Variants in PDF observed in about 807,000 individuals in gnomAD.
The protein encoded by PDF is peptide deformylase, mitochondrial.
In PDF, 31 loss-of-function variants were observed where a neutral mutation model predicts 20.3. The observed-to-expected ratio is 1.52, with a 90% confidence interval of 1.15 to 2.06. The LOEUF (loss-of-function observed/expected upper bound fraction) is 2.06, where lower values mean the gene tolerates loss of function less well. Ranked by LOEUF, PDF falls within the 30% of genes most tolerant of loss-of-function variation. The pLI is 0.00. For missense variants in PDF, 447 were observed against 362.5 expected, an observed-to-expected ratio of 1.23 and a Z score of -1.89; for synonymous variants, 254 against 172.0, an observed-to-expected ratio of 1.48 and a Z score of -3.73.
Position 69,330,173 on chromosome 16 carries a change from C to CG in PDF, c.397dup (p.Arg133ProfsTer30), listed in dbSNP as rs1355251857. ...CGCGCGCTGGCGGGGCGGGCACTCC[C>CG]GACACAGCGCCTCGGGGAGCTCCAG... is the stretch of plus-strand genomic sequence containing the variant. On this transcript the variant is annotated frameshift_variant, in exon 1 of 2. Transcript: ENST00000288022. LOFTEE classifies it high-confidence loss of function. 6.6e-7 allele frequency: 1 copy of CG among 1,515,570 alleles called. No individual in the cohort carries two copies. Among genetic ancestry groups the CG allele is most frequent in the Non-Finnish European group, 8.8e-7 (1 of 1,137,144 alleles). 93.9% of individuals were successfully genotyped at this position (1,515,570 alleles called of 1,614,324 possible). A position where few individuals can be genotyped will look rare whatever the true frequency, so the allele number is the denominator to read the frequency against.
chr16:69,329,201 T>C, intron 1 of PDF, 22 bp from the exon 2 acceptor site: 3 of 1,566,768 alleles, frequency 1.9e-6, no homozygotes, highest in African/African-American at 2.7e-5. Flanking sequence ...GTTACAGCCC[T>C]GGTGAGTGGG....
Position 69,330,107 on chromosome 16 carries a change from T to C in PDF, c.464A>G (p.Asn155Ser). 6.3e-7 allele frequency: 1 copy of C among 1,583,242 alleles called. No homozygotes were observed. Among genetic ancestry groups the C allele is most frequent in the Non-Finnish European group, 8.6e-7 (1 of 1,167,442 alleles). ...MEPFPLRVFV[N>S]PSLRVLDSRL... ...GCTGTCAAGCACTCGCAGGCTGGGG[T>C]TCACGAACACGCGCAGGGGGAAGGG... The change falls in exon 1 of 2, where the codon AAC (asparagine) becomes AGC (serine). Residue 155 changes from asparagine to serine, a missense_variant. Coordinates refer to ENST00000288022, the MANE Select transcript of PDF (RefSeq NM_022341.2).
chr16:69,330,166 G>A lies in PDF; in HGVS notation c.405C>T (p.Cys135=), dbSNP rs770194037. The A allele has an allele frequency of 2.9e-5, 44 of 1,530,518 alleles. No homozygotes were observed. The South Asian group carries it at 4.7e-4, about 16-fold the overall frequency. 94.8% of individuals were successfully genotyped at this position (1,530,518 alleles called of 1,614,324 possible). A position where few individuals can be genotyped will look rare whatever the true frequency, so the allele number is the denominator to read the frequency against. ...GGCGGAGCGCGCGCTGGCGGGGCGG[G>A]CACTCCCGACACAGCGCCTCGGGGA... ...LELPEALCRE[C]PPRQRALRQM... The change falls in exon 1 of 2, where the codon TGC becomes TGT. Residue 135 remains cysteine (C), a synonymous_variant. Coordinates refer to ENST00000288022, the MANE Select transcript of PDF (RefSeq NM_022341.2).
Position 69,327,048 on chromosome 16 carries a change from C to T in PDF, c.*1974G>A, listed in dbSNP as rs948256040. On this transcript the variant is annotated 3_prime_UTR_variant, in exon 2 of 2. Coordinates refer to ENST00000288022, the MANE Select transcript of PDF (RefSeq NM_022341.2). ...AACATTGTCCAAATGAAAGGAGGCT[C>T]AGCTGAATTCTAATTTTCCTAAAGA... is the stretch of plus-strand genomic sequence containing the variant. The T allele has an allele frequency of 1.3e-5, 2 of 151,900 alleles. No homozygotes were observed. The highest frequency in any genetic ancestry group is 1.3e-4 in the Admixed American group (2 of 15,236). 9.4% of individuals were successfully genotyped at this position (151,900 alleles called of 1,614,324 possible).
At position 69,330,016 on chromosome 16, in the gene PDF, G is replaced by C. The variant is rs1419657970; in HGVS notation, c.555C>G (p.Phe185Leu). The C allele has an allele frequency of 6.5e-7, 1 of 1,540,460 alleles. No individual in the cohort carries two copies. The highest frequency in any genetic ancestry group is 2.0e-5 in the Admixed American group (1 of 50,592). Reference sequence around the variant, plus strand: ...CCGCACCTGAGATCTGCACCGCCTGGAAGCGGGGCACGCAGGCCAGGAAGC... The same window carrying C: ...CCGCACCTGAGATCTGCACCGCCTGCAAGCGGGGCACGCAGGCCAGGAAGC... ...VAGFLACVPR[F>L]QAVQISGLDP... The change falls in exon 1 of 2, where the codon TTC becomes TTG. Residue 185 changes from phenylalanine to leucine, a missense_variant. Phe to Leu is a conservative substitution (Grantham distance 22, BLOSUM62 0). Transcript: ENST00000288022.
chr16:69,326,918 T>C lies in PDF; in HGVS notation c.*2104A>G, dbSNP rs539460151. 6.6e-6 allele frequency: 1 copy of C among 152,250 alleles called. No homozygotes were observed. Among genetic ancestry groups the C allele is most frequent in the South Asian group, 2.1e-4 (1 of 4,826 alleles). 9.4% of individuals were successfully genotyped at this position (152,250 alleles called of 1,614,324 possible). On this transcript the variant is annotated 3_prime_UTR_variant, in exon 2 of 2. Coordinates refer to ENST00000288022, the MANE Select transcript of PDF (RefSeq NM_022341.2). ...GGGAGAGATTTTACTGGAAATGCAATAAAGTTTGCATTTTATTGCTACCGA... is the reference window on the plus strand; with the variant it reads ...GGGAGAGATTTTACTGGAAATGCAACAAAGTTTGCATTTTATTGCTACCGA...
In PDF at chr16:69,329,203, G is replaced by T. The variant is rs141051526; in HGVS notation, c.575-24C>A. 80 of 1,564,676 alleles carry T rather than the reference G, an allele frequency of 5.1e-5. 1 individual carries two copies. The East Asian group carries it at 1.2e-3, about 23-fold the overall frequency. On this transcript the variant is annotated intron_variant, in intron 1 of 1. Coordinates refer to ENST00000288022, the MANE Select transcript of PDF (RefSeq NM_022341.2). ...CCCTGCAAAGGAAGTTACAGCCCTG[G>T]TGAGTGGGAACAGCTGAACTGCATC...
In PDF at chr16:69,330,209, T is replaced by C; in HGVS notation, c.362A>G (p.Gln121Arg). ...LSAPQLGVPR[Q>R]VLALELPEAL... is the part of the protein sequence containing the mutation. Reference sequence around the variant, plus strand: ...CTCGGGGAGCTCCAGCGCCAGCACCTGCCGCGGCACCCCCAGCTGCGGCGC... The same window carrying C: ...CTCGGGGAGCTCCAGCGCCAGCACCCGCCGCGGCACCCCCAGCTGCGGCGC... The change falls in exon 1 of 2, where the codon CAG becomes CGG. Residue 121 changes from glutamine to arginine, a missense_variant. Transcript: ENST00000288022. 1 of 1,454,236 alleles carries C rather than the reference T, an allele frequency of 6.9e-7. No homozygotes were observed. The highest frequency in any genetic ancestry group is 9.0e-7 in the Non-Finnish European group (1 of 1,111,180). The allele number at this position is 1,454,236 out of a possible 1,614,324, so 90.1% of individuals were successfully genotyped here.
At position 69,327,369 on chromosome 16, in the gene PDF, TGTTGGCCAGGCTG is replaced by T. The variant is rs1965630022; in HGVS notation, c.*1640_*1652del. The T allele has an allele frequency of 6.6e-6, 1 of 152,074 alleles. No individual in the cohort carries two copies. Among genetic ancestry groups the T allele is most frequent in the South Asian group, 2.1e-4 (1 of 4,824 alleles). The allele number at this position is 152,074 out of a possible 1,614,324, so 9.4% of individuals were successfully genotyped here. A position where few individuals can be genotyped will look rare whatever the true frequency, so the allele number is the denominator to read the frequency against. On this transcript the variant is annotated 3_prime_UTR_variant, in exon 2 of 2. Coordinates refer to ENST00000288022, the MANE Select transcript of PDF (RefSeq NM_022341.2). The stretch of plus-strand genomic sequence containing the variant: ...TTTTAGTAGAAACAGTGTTTCGCCA[TGTTGGCCAGGCTG>T]GTCTTGAACTCCTGACCTCAGGTGA...
In PDF at chr16:69,328,814, C is replaced by T. The variant is rs762166921; in HGVS notation, c.*208G>A. On this transcript the variant is annotated 3_prime_UTR_variant, in exon 2 of 2. Coordinates refer to ENST00000288022, the MANE Select transcript of PDF (RefSeq NM_022341.2). ...CCACTCCTTTGGGGGTGATTTTTCT[C>T]CTCAAGTTGTAGCCAACATTTTGTC... 4.8e-6 allele frequency: 3 copies of T among 622,218 alleles called. No individual in the cohort carries two copies. The Admixed American group carries it at 1.1e-4, about 23-fold the overall frequency. 38.5% of individuals were successfully genotyped at this position (622,218 alleles called of 1,614,324 possible).
rs1965675024 is a variant in PDF, at chr16:69,328,651, G to A, written c.*371C>T. ...TCACATGCTTACCTGCATTTTTAAA[G>A]ACAGCTTTCAGGTATTTGGGGACTA... On this transcript the variant is annotated 3_prime_UTR_variant, in exon 2 of 2. Coordinates refer to ENST00000288022, the MANE Select transcript of PDF (RefSeq NM_022341.2). The A allele has an allele frequency of 4.8e-6, 1 of 208,294 alleles. No homozygotes were observed. Among genetic ancestry groups the A allele is most frequent in the Admixed American group, 6.3e-5 (1 of 15,812 alleles). The allele number at this position is 208,294 out of a possible 1,614,324, so 12.9% of individuals were successfully genotyped here. A position where few individuals can be genotyped will look rare whatever the true frequency, so the allele number is the denominator to read the frequency against.
At position 69,330,199 on chromosome 16, in the gene PDF, C is replaced by A; in HGVS notation, c.372G>T (p.Ala124=). The A allele has an allele frequency of 3.4e-6, 5 of 1,461,206 alleles. No individual in the cohort carries two copies. Among genetic ancestry groups the A allele is most frequent in the South Asian group, 1.4e-5 (1 of 71,766 alleles). 90.5% of individuals were successfully genotyped at this position (1,461,206 alleles called of 1,614,324 possible). ...GACACAGCGCCTCGGGGAGCTCCAGCGCCAGCACCTGCCGCGGCACCCCCA... is the reference window on the plus strand; with the variant it reads ...GACACAGCGCCTCGGGGAGCTCCAGAGCCAGCACCTGCCGCGGCACCCCCA... ...PQLGVPRQVL[A]LELPEALCRE... is the part of the protein sequence containing the mutation. The change falls in exon 1 of 2, where the codon GCG becomes GCT. Residue 124 remains alanine, a synonymous_variant. Transcript: ENST00000288022.
In PDF at chr16:69,330,543, G is replaced by C; in HGVS notation, c.28C>G (p.Leu10Val). Residue 10 changes from leucine to valine, a missense_variant, in exon 1 of 2, where the codon CTT becomes GTT. Leu to Val is a conservative substitution (Grantham distance 32, BLOSUM62 1). Transcript: ENST00000288022. MARLWGALSLWPLWAAVPWG... is the reference protein window; with the variant it reads MARLWGALSVWPLWAAVPWG... Reference sequence around the variant, plus strand: ...GGCACGGCCGCCCACAGTGGCCAAAGACTCAGCGCGCCCCACAGCCGGGCC... The same window carrying C: ...GGCACGGCCGCCCACAGTGGCCAAACACTCAGCGCGCCCCACAGCCGGGCC... 2 of 1,476,462 alleles carry C rather than the reference G, an allele frequency of 1.4e-6. No homozygotes were observed. The highest frequency in any genetic ancestry group is 1.8e-6 in the Non-Finnish European group (2 of 1,122,494). 91.5% of individuals were successfully genotyped at this position (1,476,462 alleles called of 1,614,324 possible). A position where few individuals can be genotyped will look rare whatever the true frequency, so the allele number is the denominator to read the frequency against.
rs1018138824 is a variant in PDF, at chr16:69,330,562, C to T, written c.9G>A (p.Arg3=). Residue 3 remains arginine, a synonymous_variant, in exon 1 of 2, where the codon CGG becomes CGA. Transcript: ENST00000288022. ...GCCAAAGACTCAGCGCGCCCCACAG[C>T]CGGGCCATGGCGGCCCCCTTAACAG... is the stretch of plus-strand genomic sequence containing the variant. MA[R]LWGALSLWPL... is the part of the protein sequence containing the mutation. The T allele has an allele frequency of 7.5e-6, 11 of 1,465,506 alleles. No homozygotes were observed. The African/African-American group carries it at 8.9e-5, about 12-fold the overall frequency. 90.8% of individuals were successfully genotyped at this position (1,465,506 alleles called of 1,614,324 possible). A position where few individuals can be genotyped will look rare whatever the true frequency, so the allele number is the denominator to read the frequency against.
In PDF at chr16:69,329,193, T is replaced by TA. The variant is rs1965699952; in HGVS notation, c.575-15dup. The TA allele has an allele frequency of 3.8e-6, 6 of 1,582,456 alleles. No homozygotes were observed. The highest frequency in any genetic ancestry group is 5.1e-6 in the Non-Finnish European group (6 of 1,168,714). On this transcript the variant is annotated splice_polypyrimidine_tract_variant and intron_variant, in intron 1 of 1. Transcript: ENST00000288022. ...TGGGGTCCAGCCCTGCAAAGGAAGTTACAGCCCTGGTGAGTGGGAACAGCT... is the reference window on the plus strand; with the variant it reads ...TGGGGTCCAGCCCTGCAAAGGAAGTTAACAGCCCTGGTGAGTGGGAACAGCT...
chr16:69,330,503 G>C lies in PDF; in HGVS notation c.68C>G (p.Ala23Gly). 1 of 1,472,198 alleles carries C rather than the reference G, an allele frequency of 6.8e-7. No homozygotes were observed. Among genetic ancestry groups the C allele is most frequent in the East Asian group, 2.9e-5 (1 of 34,092 alleles). The allele number at this position is 1,472,198 out of a possible 1,614,324, so 91.2% of individuals were successfully genotyped here. The part of the protein sequence containing the change: ...LWAAVPWGGA[A>G]AVGVRACSST... Reference sequence around the variant, plus strand: ...GCTGCAAGCCCGGACACCGACGGCTGCCGCCCCGCCCCACGGCACGGCCGC... The same window carrying C: ...GCTGCAAGCCCGGACACCGACGGCTCCCGCCCCGCCCCACGGCACGGCCGC... Residue 23 changes from alanine to glycine, a missense_variant, in exon 1 of 2, where the codon GCA (alanine) becomes GGA (glycine). Physicochemically the swap from Ala to Gly is moderately conservative, Grantham distance 60. Transcript: ENST00000288022.
Position 69,330,383 on chromosome 16 carries a change from G to C in PDF, c.188C>G (p.Pro63Arg), listed in dbSNP as rs945282671. ...RRLVLGPPEPPFSHVCQVGDP... is the reference protein window; with the variant it reads ...RRLVLGPPEPRFSHVCQVGDP... ...CCCGACTTGGCACACGTGCGAGAAC[G>C]GCGGTTCGGGAGGACCCAGCACCAG... The change falls in exon 1 of 2, where the codon CCG becomes CGG. Residue 63 changes from proline (P) to arginine (R), a missense_variant. By Grantham distance (103) the Pro-to-Arg change is moderately radical (BLOSUM62 -2). Transcript: ENST00000288022. 26 of 1,479,142 alleles carry C rather than the reference G, an allele frequency of 1.8e-5. No individual in the cohort carries two copies. The highest frequency in any genetic ancestry group is 2.3e-5 in the Non-Finnish European group (26 of 1,122,896). The allele number at this position is 1,479,142 out of a possible 1,614,324, so 91.6% of individuals were successfully genotyped here. A position where few individuals can be genotyped will look rare whatever the true frequency, so the allele number is the denominator to read the frequency against.
Position 69,328,865 on chromosome 16 carries a change from T to G in PDF, c.*157A>C, listed in dbSNP as rs1965686220. 1.0e-6 allele frequency: 1 copy of G among 981,582 alleles called. No homozygotes were observed. Among genetic ancestry groups the G allele is most frequent in the African/African-American group, 1.7e-5 (1 of 60,082 alleles). 60.8% of individuals were successfully genotyped at this position (981,582 alleles called of 1,614,324 possible). The stretch of plus-strand genomic sequence containing the variant: ...CGTAACTGATTTCAGGGCAAACATT[T>G]CTGACATCTTCCTCCAGCTCAGTCT... On this transcript the variant is annotated 3_prime_UTR_variant, in exon 2 of 2. Coordinates refer to ENST00000288022, the MANE Select transcript of PDF (RefSeq NM_022341.2).
Position 69,327,200 on chromosome 16 carries a change from G to A in PDF, c.*1822C>T, listed in dbSNP as rs982927626. 3 of 129,992 alleles carry A rather than the reference G, an allele frequency of 2.3e-5. No individual in the cohort carries two copies. Among genetic ancestry groups the A allele is most frequent in the Non-Finnish European group, 4.7e-5 (3 of 63,544 alleles). 8.1% of individuals were successfully genotyped at this position (129,992 alleles called of 1,614,324 possible). On this transcript the variant is annotated 3_prime_UTR_variant, in exon 2 of 2. Coordinates refer to ENST00000288022, the MANE Select transcript of PDF (RefSeq NM_022341.2). The stretch of plus-strand genomic sequence containing the variant: ...TTTTTTTTTTTGAGACAGAGCCTTG[G>A]TCTGTCGCCCAGGCTGGAGTACAGT...
Sources: allele counts gnomAD v4.1 joint callset, GRCh38; gene constraint gnomAD v4.1.1; transcripts MANE v1.5; gene names NCBI Gene and HGNC (gene_info 2026-07-23, HGNC 2026-07-21).